The following FAM107B variants were observed in gnomAD, a reference collection of about 807,000 sequenced individuals.
FAM107B encodes the protein family with sequence similarity 107 member B, also known as protein FAM107B.
In FAM107B, 21 loss-of-function variants were observed where a neutral mutation model predicts 31.5. That is an observed-to-expected ratio of 0.67 (90% CI 0.47 to 0.96). The LOEUF is 0.96. FAM107B is among the 40% of genes least tolerant of loss of function. The pLI, the probability that FAM107B is intolerant of heterozygous loss-of-function variation, is 0.00. For missense variants in FAM107B, 452 were observed against 377.1 expected (o/e 1.20, Z -1.64); for synonymous variants, 157 against 141.5 (o/e 1.11, Z -0.78).
chr10:14,609,556 A>G (rs1852676267), intron 2 of FAM107B, among the ~76,000 whole-genome samples: 1 of 152,078 alleles, frequency 6.6e-6, no homozygotes, highest in Non-Finnish European at 1.5e-5. Flanking sequence ...AAATCCTTCT[A>G]TGCTTCCAAT....
At chr10:14,630,442 T>C (rs1478130232) in intron 2 of FAM107B, among the ~76,000 whole-genome samples, 1 of 152,104 alleles carries the variant, frequency 6.6e-6, no homozygotes, top group Non-Finnish European at 1.5e-5. Context: ...CAGAGTTGAA[T>C]TTTACATATA....
intron 1 of FAM107B, among the ~76,000 whole-genome samples, chr10:14,746,194 GCATGTGAGATAGGT>G (rs894689683): frequency 6.6e-6 from 1 of 152,066 alleles, no homozygotes; most frequent in Non-Finnish European, 1.5e-5. Flanking sequence ...GTGTGTCTTT[GCATGTGAGATAGGT>G]CTCTTGAATC....
intron 1 of FAM107B, among the ~76,000 whole-genome samples, chr10:14,769,257 G>A (rs1363925442): frequency 6.6e-6 from 1 of 152,204 alleles, no homozygotes; most frequent in Non-Finnish European, 1.5e-5. Context: ...GCCACTGCTG[G>A]GGTGCTAGGA....
intron 1 of FAM107B, among the ~76,000 whole-genome samples, chr10:14,712,436 C>CA (rs1017856297): frequency 1.4e-4 from 21 of 151,270 alleles, no homozygotes; most frequent in Admixed American, 2.0e-4. Flanking sequence ...ACTAAAAATA[C>CA]AAAAAAAATT....
chr10:14,758,009 T>C (rs1337637833), intron 1 of FAM107B, among the ~76,000 whole-genome samples: 4 of 152,178 alleles, frequency 2.6e-5, no homozygotes, highest in African/African-American at 9.7e-5. Context: ...GAGATGAATA[T>C]TTGAAGGATG....
intron 2 of FAM107B, among the ~76,000 whole-genome samples, chr10:14,611,695 T>C (rs1257587256): frequency 2.0e-5 from 3 of 151,786 alleles, no homozygotes; most frequent in East Asian, 1.9e-4. Context: ...ATTTCTGTAG[T>C]CCAGAAGTGG....
rs930475374 is a variant in FAM107B, at chr10:14,730,736, C to T, written c.411+43517G>A. On this transcript the variant is annotated intron_variant, in intron 1 of 4. Transcript: ENST00000181796. Reference sequence around the variant, plus strand: ...GCAGTAGACCAGGCGAGAAATTATGCGACTTAGATCTATGGTGACCAGCCT... The same window carrying T: ...GCAGTAGACCAGGCGAGAAATTATGTGACTTAGATCTATGGTGACCAGCCT... 3.9e-5 allele frequency among the ~76,000 whole-genome samples: 6 copies of T among 152,152 alleles called. No individual in the cohort carries two copies. In the South Asian group the frequency reaches 1.0e-3, roughly 26 times the overall value.
At chr10:14,684,590 G>A (rs1206222264) in intron 1 of FAM107B, among the ~76,000 whole-genome samples, 1 of 152,144 alleles carries the variant, frequency 6.6e-6, no homozygotes, top group Non-Finnish European at 1.5e-5. Flanking sequence ...AGGAATTTCA[G>A]AGGGACACAA....
chr10:14,548,641 G>A, intron 2 of FAM107B: 3 of 985,460 alleles, frequency 3.0e-6, no homozygotes, highest in Non-Finnish European at 3.6e-6. Flanking sequence ...CAGCTGCGAA[G>A]GCAGGCACTC....
chr10:14,528,757 T>C (rs1283288980), intron 3 of FAM107B, among the ~76,000 whole-genome samples: 1 of 152,168 alleles, frequency 6.6e-6, no homozygotes, highest in Non-Finnish European at 1.5e-5. Context: ...GCCCTTTCTC[T>C]AAAAAATGTG....
intron 2 of FAM107B, among the ~76,000 whole-genome samples, chr10:14,541,465 G>C (rs898124961): frequency 1.3e-5 from 2 of 152,058 alleles, no homozygotes; most frequent in Admixed American, 1.3e-4. Flanking sequence ...CTCTGCTTCC[G>C]ATTTCCTCCT....
chr10:14,528,650 C>T (rs1361408807), intron 3 of FAM107B, among the ~76,000 whole-genome samples: 2 of 152,130 alleles, frequency 1.3e-5, no homozygotes, highest in Non-Finnish European at 2.9e-5. Flanking sequence ...ATCCTCTCTA[C>T]ACCATAGTAC....
At chr10:14,707,119 C>G (rs1473451875) in intron 1 of FAM107B, among the ~76,000 whole-genome samples, 1 of 151,828 alleles carries the variant, frequency 6.6e-6, no homozygotes, top group African/African-American at 2.4e-5. Flanking sequence ...GAGCAAGACT[C>G]TGTCTCAGAA....
chr10:14,577,501 A>T (rs925206730), intron 2 of FAM107B, among the ~76,000 whole-genome samples: 5 of 151,870 alleles, frequency 3.3e-5, no homozygotes, highest in Admixed American at 2.0e-4. Context: ...ACGAAGAAAT[A>T]AAAAAAAATG....
intron 1 of FAM107B, among the ~76,000 whole-genome samples, chr10:14,741,920 T>A (rs1328069311): frequency 6.6e-6 from 1 of 151,888 alleles, no homozygotes; most frequent in Non-Finnish European, 1.5e-5. Flanking sequence ...AACCCCATGT[T>A]AGCCAGGATG....
intron 2 of FAM107B, among the ~76,000 whole-genome samples, chr10:14,565,135 T>C (rs568242350): frequency 2.0e-4 from 31 of 152,348 alleles, no homozygotes; most frequent in African/African-American, 6.5e-4. Flanking sequence ...TTATTGAGTG[T>C]ACAGCTTGTG....
intron 1 of FAM107B, among the ~76,000 whole-genome samples, chr10:14,682,896 A>T (rs1391069784): frequency 6.6e-6 from 1 of 152,078 alleles, no homozygotes; most frequent in Non-Finnish European, 1.5e-5. Context: ...ATAATAATAA[A>T]AAAAAGAAAA....
At chr10:14,582,192 C>T (rs1213990567) in intron 2 of FAM107B, among the ~76,000 whole-genome samples, 1 of 152,098 alleles carries the variant, frequency 6.6e-6, no homozygotes, top group Admixed American at 6.5e-5. Context: ...TTCAAATATC[C>T]TTCTTTGCTA....
intron 1 of FAM107B, among the ~76,000 whole-genome samples, chr10:14,751,294 T>G (rs913448751): frequency 2.0e-5 from 3 of 152,138 alleles, no homozygotes; most frequent in Non-Finnish European, 2.9e-5. Context: ...ATGTTTGATG[T>G]TTGTACAATT....
Sources: gnomAD v4.1 joint callset for allele counts (sites outside exome capture counted in the v4.1 genomes callset) on GRCh38, gnomAD v4.1.1 for gene constraint, MANE v1.5 for transcripts, NCBI Gene and HGNC (gene_info 2026-07-23, HGNC 2026-07-21) for gene names.